The following WDR25 variants were observed in gnomAD, a reference collection of about 807,000 sequenced individuals.
WDR25 encodes WD repeat domain 25.
In WDR25, 35 loss-of-function variants were observed where a neutral mutation model predicts 47.7. The observed-to-expected ratio is 0.73, with a 90% CI of 0.56 to 0.97. The LOEUF is 0.97. Among genes scored for constraint, WDR25 ranks in the 50% least tolerant of loss-of-function variants. The pLI is 0.00. For missense variants in WDR25, 634 were observed against 704.7 expected, an observed-to-expected ratio of 0.90 and a Z score of 1.14; for synonymous variants, 248 against 278.9, an observed-to-expected ratio of 0.89 and a Z score of 1.10.
rs1898150536 is a variant in WDR25 at position 100,425,790 on chromosome 14, G to A, written c.823-42231G>A. ...GGACTGTTTACCAAAGCTCTGGCAT[G>A]TGATGACCTAGGGACAGAATTAAAG... On this transcript the variant is annotated intron_variant, in intron 2 of 6. Transcript: ENST00000402312. This position sits in a 1 kb window ranked among gnomAD's most constrained non-coding sequence, Gnocchi z 4.8. Among the ~76,000 whole-genome samples the A allele has an allele frequency of 6.6e-6, 1 of 152,226 alleles. No individual in the cohort carries two copies. The highest frequency in any genetic ancestry group is 2.1e-4 in the South Asian group (1 of 4,830).
At chr14:100,423,209 T>C (rs1387463154) in intron 2 of WDR25, among the ~76,000 whole-genome samples, 1 of 152,214 alleles carries the variant, frequency 6.6e-6, no homozygotes, top group Non-Finnish European at 1.5e-5. Context: ...CTCTTCCAGC[T>C]CTTGCTGTCT....
intron 2 of WDR25, 72 bp from the exon 3 acceptor site, chr14:100,467,949 A>C: frequency 6.3e-7 from 1 of 1,586,698 alleles, no homozygotes; most frequent in Non-Finnish European, 8.6e-7. Context: ...TTCTTTCTAC[A>C]GTGGGGTCGA....
chr14:100,470,511 G>GT (rs11375877), intron 3 of WDR25, among the ~76,000 whole-genome samples: 104,730 of 152,032 alleles, frequency 0.69, 37,059 homozygotes, highest in African/African-American at 0.85. Flanking sequence ...GTGTGAGTGG[G>GT]GTGTCTTGAC....
chr14:100,445,495 CT>C (rs1481403607), intron 2 of WDR25, among the ~76,000 whole-genome samples: 1 of 152,140 alleles, frequency 6.6e-6, no homozygotes, highest in Non-Finnish European at 1.5e-5. Flanking sequence ...TCAAAACATC[CT>C]TTTGTAAAGG....
At chr14:100,383,764 G>T (rs1400201521) in intron 2 of WDR25, among the ~76,000 whole-genome samples, 1 of 152,240 alleles carries the variant, frequency 6.6e-6, no homozygotes, top group African/African-American at 2.4e-5. Context: ...AGACAAATGT[G>T]CCAGGCACGG....
At chr14:100,505,826 A>G (rs1901091164) in intron 4 of WDR25, among the ~76,000 whole-genome samples, 1 of 152,180 alleles carries the variant, frequency 6.6e-6, no homozygotes, top group Non-Finnish European at 1.5e-5. Context: ...TTTGGATACT[A>G]ATGTGAGTGG....
chr14:100,467,794 GT>G lies in WDR25; in HGVS notation c.823-223del, dbSNP rs570277541. Among the ~76,000 whole-genome samples, 438 of 152,214 alleles carry G rather than the reference GT, an allele frequency of 2.9e-3. 2 individuals are homozygous for G. The highest frequency in any genetic ancestry group is 3.4e-3 in the Middle Eastern group (1 of 294). Reference sequence around the variant, plus strand: ...AGCTGCCATACCCGTCCAGAATGCAGTTTTCTTAACCCCAGAAAAAATTTGG... The same window carrying G: ...AGCTGCCATACCCGTCCAGAATGCAGTTTCTTAACCCCAGAAAAAATTTGG... On this transcript the variant is annotated intron_variant, in intron 2 of 6. Coordinates refer to ENST00000402312, the MANE Select transcript of WDR25 (RefSeq NM_001161476.3).
chr14:100,527,995 G>A (rs149750097), intron 5 of WDR25, among the ~76,000 whole-genome samples: 1,795 of 152,188 alleles, frequency 0.012, 35 homozygotes, highest in African/African-American at 0.041. Context: ...TGAGGTTTGT[G>A]CCTGCATTTC....
chr14:100,425,709 A>T lies in WDR25; in HGVS notation c.823-42312A>T, dbSNP rs538057113. On this transcript the variant is annotated intron_variant, in intron 2 of 6. Coordinates refer to ENST00000402312, the MANE Select transcript of WDR25 (RefSeq NM_001161476.3). The surrounding 1 kb of genome is among the most constrained non-coding windows in gnomAD (Gnocchi z 4.8). ...TTTTGAAGGAGTTCTCAAAAATGAC[A>T]GGTTTTATTTCAAGGGTCTTTGTTA... Among the ~76,000 whole-genome samples the T allele has an allele frequency of 6.6e-6, 1 of 152,188 alleles. No individual in the cohort carries two copies. The highest frequency in any genetic ancestry group is 6.5e-5 in the Admixed American group (1 of 15,280).
chr14:100,454,330 T>C, intron 2 of WDR25: 1 of 1,261,588 alleles, frequency 7.9e-7, no homozygotes. Context: ...AGATTTTGAC[T>C]GAGGTAATGG....
intron 1 of WDR25, 56 bp from the exon 2 acceptor site, chr14:100,380,854 C>G: frequency 6.8e-7 from 1 of 1,467,516 alleles, no homozygotes; most frequent in Non-Finnish European, 9.3e-7. Context: ...TTTCTTATAA[C>G]TACATACATA....
At chr14:100,522,594 GGGA>G (rs1357239412) in intron 4 of WDR25, among the ~76,000 whole-genome samples, 1 of 152,154 alleles carries the variant, frequency 6.6e-6, no homozygotes, top group African/African-American at 2.4e-5. Flanking sequence ...TAGCTGGCTG[GGGA>G]GGAGAAGGTT....
At chr14:100,521,207 G>C (rs767086531) in intron 4 of WDR25, among the ~76,000 whole-genome samples, 19 of 151,854 alleles carry the variant, frequency 1.3e-4, no homozygotes, top group South Asian at 2.1e-4. Context: ...CACACACAGA[G>C]AGAGAGAGAG....
chr14:100,400,835 C>T (rs1310365547), intron 2 of WDR25, among the ~76,000 whole-genome samples: 1 of 152,128 alleles, frequency 6.6e-6, no homozygotes, highest in African/African-American at 2.4e-5. Flanking sequence ...ACAGTATTTC[C>T]ATCCAGTTGC....
intron 2 of WDR25, among the ~76,000 whole-genome samples, chr14:100,389,421 G>A (rs989570630): frequency 4.6e-5 from 7 of 152,186 alleles, no homozygotes; most frequent in Non-Finnish European, 8.8e-5. Flanking sequence ...AACCTTTTAA[G>A]GTTTCCTTCT....
chr14:100,410,308 AG>A (rs1897670215), intron 2 of WDR25, among the ~76,000 whole-genome samples: 1 of 152,140 alleles, frequency 6.6e-6, no homozygotes, highest in Non-Finnish European at 1.5e-5. Flanking sequence ...AGGGCCTCCC[AG>A]GGAGACGGTG....
At position 100,529,689 on chromosome 14, in the gene WDR25, C is replaced by CA; in HGVS notation, c.1414-130dup. The CA allele has an allele frequency of 5.7e-6, 6 of 1,059,158 alleles. 1 individual carries two copies. In the South Asian group the frequency reaches 6.3e-5, roughly 11 times the overall value. 65.6% of individuals were successfully genotyped at this position (1,059,158 alleles called of 1,614,324 possible). ...ATGGGCGGGACCTGGGCTTTGGCCT[C>CA]AGGGACACGAGGTGCGAAGCCCAGC... On this transcript the variant is annotated intron_variant, in intron 6 of 6. Transcript: ENST00000402312. This position sits in a 1 kb window ranked among gnomAD's most constrained non-coding sequence, Gnocchi z 5.1.
intron 2 of WDR25, among the ~76,000 whole-genome samples, chr14:100,452,162 G>T (rs901611460): frequency 6.6e-6 from 1 of 151,744 alleles, no homozygotes; most frequent in Non-Finnish European, 1.5e-5. Context: ...ATTCCGTTCT[G>T]TTCCATTCCA....
At chr14:100,434,051 A>G (rs546734647) in intron 2 of WDR25, among the ~76,000 whole-genome samples, 1 of 150,868 alleles carries the variant, frequency 6.6e-6, no homozygotes, top group Non-Finnish European at 1.5e-5. Context: ...CATAGTGAAA[A>G]GCCGTTTCTA....
Sources: gnomAD v4.1 joint callset for allele counts (sites outside exome capture counted in the v4.1 genomes callset) on GRCh38, gnomAD v4.1.1 for gene constraint, Gnocchi (gnomAD v3.1) non-coding constraint, MANE v1.5 for transcripts, NCBI Gene and HGNC (gene_info 2026-07-23, HGNC 2026-07-21) for gene names.